GNAS: variants seen among roughly 807,000 people sequenced by gnomAD.
GNAS encodes protein ALEX.
GNAS carries 8 observed loss-of-function variants against 54.5 expected under a neutral mutation model. The observed-to-expected ratio is 0.15, with a 90% CI of 0.09 to 0.26. The LOEUF (loss-of-function observed/expected upper bound fraction) is 0.26. GNAS is among the 10% of genes least tolerant of loss of function. The probability of loss-of-function intolerance (pLI) is 1.00; values close to 1 mark genes in which losing one functional copy is unlikely to be tolerated. For missense variants in GNAS, 170 were observed against 529.8 expected (o/e 0.32, Z 6.67); for synonymous variants, 204 against 191.4 (o/e 1.07, Z -0.54).
rs1420603275 is a variant in GNAS, at chr20:58,841,779, T to C, written c.43+893T>C. Reference sequence around the variant, plus strand: ...GGTATTGCCAAGCTTTTGGCGCAGCTGGTCGGGTGGCCAGGCTGCATGCGG... The same window carrying C: ...GGTATTGCCAAGCTTTTGGCGCAGCCGGTCGGGTGGCCAGGCTGCATGCGG... On this transcript the variant is annotated intron_variant, in intron 1 of 12. Transcript: ENST00000306090. This position sits in a 1 kb window ranked among gnomAD's most constrained non-coding sequence, Gnocchi z 5.0. The C allele has an allele frequency of 1.7e-5, 21 of 1,230,460 alleles. No homozygotes were observed. In the East Asian group the frequency reaches 5.0e-4, roughly 30 times the overall value. The allele number at this position is 1,230,460 out of a possible 1,614,324, so 76.2% of individuals were successfully genotyped here. A position where few individuals can be genotyped will look rare whatever the true frequency, so the allele number is the denominator to read the frequency against.
chr20:58,903,268 G>A (rs541420468), intron 3 of GNAS: 9 of 570,796 alleles, frequency 1.6e-5, no homozygotes, highest in Middle Eastern at 4.8e-4. Context: ...GATTAAATGA[G>A]CTGCATGCAA....
chr20:58,855,537 A>C (rs2086445079), intron 1 of GNAS: 2 of 720,550 alleles, frequency 2.8e-6, no homozygotes, highest in African/African-American at 3.5e-5. Flanking sequence ...CGGGTGGCCG[A>C]AGTATATGCC....
At chr20:58,895,849 A>AC (rs1479258147) in intron 2 of GNAS, among the ~76,000 whole-genome samples, 165 bp downstream of exon 2, 1 of 151,756 alleles carries the variant, frequency 6.6e-6, no homozygotes, top group African/African-American at 2.4e-5. Flanking sequence ...AGGGTCCCTC[A>AC]CCCCCCACCC....
chr20:58,850,942 C>T (rs765259606), intron 1 of GNAS: 17 of 398,574 alleles, frequency 4.3e-5, no homozygotes, highest in Non-Finnish European at 7.1e-5. Context: ...GGTCTGACGC[C>T]CCCTGCTCAT....
At chr20:58,883,385 G>A (rs548977533) in intron 1 of GNAS, among the ~76,000 whole-genome samples, 301 of 152,276 alleles carry the variant, frequency 2.0e-3, no homozygotes, top group African/African-American at 6.9e-3. Flanking sequence ...GAATGTTCAA[G>A]AAAGCAGGCA....
chr20:58,865,054 T>G (rs2086976082), intron 1 of GNAS, among the ~76,000 whole-genome samples: 1 of 152,054 alleles, frequency 6.6e-6, no homozygotes, highest in Admixed American at 6.6e-5. Flanking sequence ...ACTACTGCCC[T>G]AACATCATCA....
At chr20:58,854,525 TGACTCCGGGGCATTCGCAGCCGATCCC>T in intron 1 of GNAS, 2 of 1,581,320 alleles carry the variant, frequency 1.3e-6, no homozygotes, top group Non-Finnish European at 1.7e-6. Flanking sequence ...CAGCCGATCC[TGACTCCGGGGCATTCGCAGCCGATCCC>T]GACTCCGGGG....
At chr20:58,842,342 T>G (rs2085771556) in intron 1 of GNAS, 1 of 397,888 alleles carries the variant, frequency 2.5e-6, no homozygotes, top group Non-Finnish European at 4.4e-6. Flanking sequence ...GACAACGATT[T>G]GGAGGAATAG....
intron 1 of GNAS, chr20:58,855,936 G>A: frequency 2.6e-6 from 1 of 385,618 alleles, no homozygotes; most frequent in Non-Finnish European, 4.7e-6. Context: ...GCCATGGCCC[G>A]GGCAAAAAAC....
chr20:58,861,585 A>G (rs2086784113), intron 1 of GNAS, among the ~76,000 whole-genome samples: 1 of 152,234 alleles, frequency 6.6e-6, no homozygotes, highest in Non-Finnish European at 1.5e-5. Flanking sequence ...AGTTCTGCTG[A>G]AAAGTCTGCA....
chr20:58,902,882 C>G (rs564621889), intron 3 of GNAS: 2,461 of 162,834 alleles, frequency 0.015, 37 homozygotes, highest in Middle Eastern at 0.057. Context: ...CAGGTGCATG[C>G]CACCATGCCC....
chr20:58,875,761 C>T (rs904637475), intron 1 of GNAS, among the ~76,000 whole-genome samples: 2 of 152,132 alleles, frequency 1.3e-5, no homozygotes, highest in African/African-American at 4.8e-5. Context: ...CGGCTCCGGT[C>T]GATAATGACA....
chr20:58,901,654 C>G (rs986371874), intron 3 of GNAS, among the ~76,000 whole-genome samples: 1 of 151,268 alleles, frequency 6.6e-6, no homozygotes, highest in Non-Finnish European at 1.5e-5. Flanking sequence ...GGTGCAGTGA[C>G]CTGTGAAAGG....
At chr20:58,897,530 TGA>T (rs2090177510) in intron 2 of GNAS, 1 of 152,230 alleles carries the variant, frequency 6.6e-6, no homozygotes, top group Non-Finnish European at 1.5e-5. Context: ...AAGTCACCTT[TGA>T]AATAAATTAC....
At chr20:58,867,375 C>T (rs1249833452) in intron 1 of GNAS, 1 of 152,332 alleles carries the variant, frequency 6.6e-6, no homozygotes, top group Admixed American at 6.5e-5. Context: ...CCCAGGAGGG[C>T]TCCCCTTTCT....
intron 1 of GNAS, among the ~76,000 whole-genome samples, chr20:58,852,333 C>A (rs561553402): frequency 5.9e-5 from 9 of 152,096 alleles, no homozygotes; most frequent in Non-Finnish European, 1.3e-4. Flanking sequence ...AAAAGTACAC[C>A]CAAGGCATTT....
At chr20:58,908,852 A>G in intron 6 of GNAS, 1 of 444,426 alleles carries the variant, frequency 2.3e-6, no homozygotes, top group Non-Finnish European at 4.1e-6. Flanking sequence ...CGAAGAACAA[A>G]GCCCCACCAC....
In GNAS at chr20:58,853,821, C is replaced by G. The variant is rs149320326; in HGVS notation, c.43+12935C>G. The G allele has an allele frequency of 1.9e-6, 3 of 1,601,042 alleles. No individual in the cohort carries two copies. In the African/African-American group the frequency reaches 4.0e-5, roughly 21 times the overall value. Reference sequence around the variant, plus strand: ...TCTCTTACAGGTCCCAGACCTTGCTCCAGGAGGCCCAGGTGCTGCAGGGGT... The same window carrying G: ...TCTCTTACAGGTCCCAGACCTTGCTGCAGGAGGCCCAGGTGCTGCAGGGGT... On this transcript the variant is annotated intron_variant, in intron 1 of 12. Transcript: ENST00000306090. The surrounding 1 kb of genome is among the most constrained non-coding windows in gnomAD (Gnocchi z 4.4).
intron 1 of GNAS, among the ~76,000 whole-genome samples, chr20:58,859,964 A>G (rs1376541295): frequency 1.4e-5 from 2 of 141,806 alleles, no homozygotes; most frequent in African/African-American, 3.0e-5. Flanking sequence ...TAGGTAAAGG[A>G]TCACAAATTT....
Sources: gnomAD v4.1 joint callset for allele counts (sites outside exome capture counted in the v4.1 genomes callset) on GRCh38, gnomAD v4.1.1 for gene constraint, Gnocchi (gnomAD v3.1) non-coding constraint, MANE v1.5 for transcripts, NCBI Gene and HGNC (gene_info 2026-07-23, HGNC 2026-07-21) for gene names.